Variants in SLC5A4 observed in about 807,000 individuals in gnomAD.
The protein encoded by SLC5A4 is solute carrier family 5 member 4.
In SLC5A4, 55 loss-of-function variants were observed where a neutral mutation model predicts 70.3. The ratio of observed to expected loss-of-function variants is 0.78; its 90% CI spans 0.63 to 0.98. The LOEUF is 0.98. Ranked by LOEUF, SLC5A4 falls within the 50% of genes least tolerant of loss-of-function variation. The pLI is 0.00. For synonymous variants in SLC5A4, 268 were observed against 305.7 expected (o/e 0.88, Z 1.29); for missense variants, 735 against 839.2 (o/e 0.88, Z 1.53).
chr22:32,245,599 C>T (rs369603014), intron 5 of SLC5A4, among the ~76,000 whole-genome samples: 5 of 152,236 alleles, frequency 3.3e-5, no homozygotes, highest in African/African-American at 1.2e-4. Flanking sequence ...CGGTTCACTG[C>T]AACCTCTGCC....
chr22:32,244,415 C>T (rs1319694083), intron 5 of SLC5A4, among the ~76,000 whole-genome samples: 1 of 152,174 alleles, frequency 6.6e-6, no homozygotes, highest in Non-Finnish European at 1.5e-5. Context: ...TAATCATTTT[C>T]ATATTAAAAC....
the SLC5A4 span, among the ~76,000 whole-genome samples, chr22:32,260,656 C>A: frequency 2.0e-5 from 3 of 152,004 alleles, no homozygotes; most frequent in Non-Finnish European, 4.4e-5. Flanking sequence ...AGAACCTTGC[C>A]CTAACAGTGC....
chr22:32,291,777 A>G, the SLC5A4 span, among the ~76,000 whole-genome samples: 1 of 150,826 alleles, frequency 6.6e-6, no homozygotes. Flanking sequence ...TAGCCTATTT[A>G]TATTTCTTGT....
the SLC5A4 span, among the ~76,000 whole-genome samples, chr22:32,313,551 A>C: frequency 2.6e-5 from 4 of 152,250 alleles, no homozygotes; most frequent in Non-Finnish European, 5.9e-5. Context: ...AGAGCAGTGG[A>C]ACAAGATCTA....
At chr22:32,333,955 G>T in the SLC5A4 span, among the ~76,000 whole-genome samples, 1 of 143,412 alleles carries the variant, frequency 7.0e-6, no homozygotes, top group Non-Finnish European at 1.5e-5. Flanking sequence ...ACACCATGCT[G>T]CAGACCCACA....
At chr22:32,247,789 T>A (rs1380176106) in intron 4 of SLC5A4, among the ~76,000 whole-genome samples, 1 of 152,178 alleles carries the variant, frequency 6.6e-6, no homozygotes, top group Non-Finnish European at 1.5e-5. Flanking sequence ...AGATCTCACT[T>A]TCCCACTGCC....
the SLC5A4 span, among the ~76,000 whole-genome samples, chr22:32,320,102 T>G: frequency 6.6e-6 from 1 of 151,990 alleles, no homozygotes; most frequent in Admixed American, 6.6e-5. Flanking sequence ...AAACAGCAAA[T>G]CCAAACTCTA....
At chr22:32,330,919 GA>G in the SLC5A4 span, among the ~76,000 whole-genome samples, 23 of 112,118 alleles carry the variant, frequency 2.1e-4, no homozygotes, top group Non-Finnish European at 2.5e-4. Flanking sequence ...GTGTGTGTTG[GA>G]GGCCTCTGGT....
chr22:32,231,556 G>A (rs1330422926), intron 9 of SLC5A4, among the ~76,000 whole-genome samples: 1 of 152,238 alleles, frequency 6.6e-6, no homozygotes, highest in Non-Finnish European at 1.5e-5. Flanking sequence ...CTCTGTGGCA[G>A]CTGCACAATA....
the SLC5A4 span, among the ~76,000 whole-genome samples, chr22:32,353,821 G>GCCC: frequency 6.7e-6 from 1 of 149,752 alleles, no homozygotes; most frequent in Non-Finnish European, 1.5e-5. Flanking sequence ...CACGAATAGT[G>GCCC]CCCCCAACCA....
the SLC5A4 span, among the ~76,000 whole-genome samples, chr22:32,290,273 G>T: frequency 9.2e-5 from 14 of 151,746 alleles, no homozygotes; most frequent in Non-Finnish European, 2.9e-5. Flanking sequence ...GACAGGCCCC[G>T]GTGTGTGATG....
At chr22:32,275,758 G>A in the SLC5A4 span, among the ~76,000 whole-genome samples, 1 of 152,170 alleles carries the variant, frequency 6.6e-6, no homozygotes, top group Non-Finnish European at 1.5e-5. Flanking sequence ...GGGTCAAATG[G>A]ATTTTCTAGT....
chr22:32,309,846 G>C, the SLC5A4 span, among the ~76,000 whole-genome samples: 546 of 151,868 alleles, frequency 3.6e-3, 1 homozygote, highest in Non-Finnish European at 6.1e-3. Context: ...AGGGTGCTGT[G>C]GCTGGCTGCA....
chr22:32,331,000 G>GTA, the SLC5A4 span, among the ~76,000 whole-genome samples: 2 of 137,146 alleles, frequency 1.5e-5, no homozygotes, highest in Admixed American at 7.4e-5. Flanking sequence ...GCTCTGGTGT[G>GTA]TGTGTTGGGG....
chr22:32,288,549 TTTC>T, the SLC5A4 span, among the ~76,000 whole-genome samples: 7 of 152,210 alleles, frequency 4.6e-5, no homozygotes, highest in East Asian at 1.2e-3. Flanking sequence ...CTTTTGTTTT[TTTC>T]TTTTTTTTGT....
intron 12 of SLC5A4, among the ~76,000 whole-genome samples, chr22:32,224,870 A>G (rs1469751373): frequency 6.6e-6 from 1 of 152,214 alleles, no homozygotes; most frequent in Non-Finnish European, 1.5e-5. Flanking sequence ...TAGTTTTGAG[A>G]GTTCTATGAA....
the SLC5A4 span, chr22:32,285,067 T>G: frequency 4.7e-4 from 71 of 152,344 alleles, no homozygotes; most frequent in African/African-American, 1.7e-3. Flanking sequence ...ATCATATATT[T>G]TATGATTATT....
chr22:32,285,838 G>C, the SLC5A4 span, among the ~76,000 whole-genome samples: 262 of 152,062 alleles, frequency 1.7e-3, no homozygotes, highest in South Asian at 2.5e-3. Context: ...CCGGGTTCAC[G>C]CCATTCTCCT....
At chr22:32,238,960 T>A (rs1277602005) in intron 6 of SLC5A4, 25 bp downstream of exon 6, 1 of 1,550,954 alleles carries the variant, frequency 6.4e-7, no homozygotes, top group East Asian at 2.2e-5. Context: ...ATAGCCTGAG[T>A]GAGCAAAATA....
Sources: allele counts gnomAD v4.1 joint callset (sites outside exome capture counted in the v4.1 genomes callset), GRCh38; gene constraint gnomAD v4.1.1; transcripts MANE v1.5; gene names NCBI Gene and HGNC (gene_info 2026-07-23, HGNC 2026-07-21).